The following COG5 variants were observed in gnomAD, a reference collection of about 807,000 sequenced individuals.
The protein encoded by COG5 is conserved oligomeric Golgi complex subunit 5.
A neutral mutation model predicts 110.4 loss-of-function variants in COG5; 86 were observed. The observed-to-expected ratio is 0.78, with a 90% CI of 0.65 to 0.93. The LOEUF (loss-of-function observed/expected upper bound fraction) is 0.93. Among genes scored for constraint, COG5 ranks in the 40% least tolerant of loss-of-function variants. The pLI is 0.00. For synonymous variants in COG5, 360 were observed against 334.6 expected (o/e 1.08, Z -0.83); for missense variants, 1,077 against 987.0 (o/e 1.09, Z -1.22).
intron 6 of COG5, among the ~76,000 whole-genome samples, chr7:107,489,793 A>G (rs1362757519): frequency 6.6e-6 from 1 of 152,164 alleles, no homozygotes; most frequent in African/African-American, 2.4e-5. Context: ...TAATTGCCCA[A>G]GAGATTTTTT....
intron 14 of COG5, among the ~76,000 whole-genome samples, chr7:107,265,115 A>T (rs1803692089): frequency 6.6e-6 from 1 of 152,204 alleles, no homozygotes; most frequent in Admixed American, 6.5e-5. Flanking sequence ...CATAAATTAT[A>T]AACATTAAAA....
intron 8 of COG5, among the ~76,000 whole-genome samples, chr7:107,368,772 CTGTT>C (rs1484441387): frequency 1.3e-5 from 2 of 152,150 alleles, no homozygotes; most frequent in African/African-American, 4.8e-5. Context: ...TCTTTCTTCA[CTGTT>C]TGACTTTCTC....
At chr7:107,315,730 T>C (rs1808667781) in intron 11 of COG5, among the ~76,000 whole-genome samples, 1 of 152,174 alleles carries the variant, frequency 6.6e-6, no homozygotes, top group Non-Finnish European at 1.5e-5. Context: ...TTCCTTAATA[T>C]TGCCTGTCTA....
intron 21 of COG5, chr7:107,208,775 G>A (rs1010253074): frequency 2.0e-6 from 2 of 985,478 alleles, no homozygotes; most frequent in Non-Finnish European, 1.2e-6. Context: ...CAGAGGGCCA[G>A]TGGCTCATGT....
At chr7:107,411,819 A>G (rs904121947) in intron 7 of COG5, among the ~76,000 whole-genome samples, 6 of 152,090 alleles carry the variant, frequency 3.9e-5, no homozygotes, top group Non-Finnish European at 8.8e-5. Flanking sequence ...GATATGAAAA[A>G]ACTCTATTAA....
At chr7:107,260,142 A>C (rs1803218856) in intron 14 of COG5, among the ~76,000 whole-genome samples, 1 of 150,018 alleles carries the variant, frequency 6.7e-6, no homozygotes, top group South Asian at 2.1e-4. Context: ...TATTCATAGC[A>C]GCATTTATTC....
intron 1 of COG5, among the ~76,000 whole-genome samples, chr7:107,560,595 A>G (rs1803697021): frequency 2.6e-5 from 4 of 152,252 alleles, no homozygotes; most frequent in Admixed American, 2.6e-4. Flanking sequence ...AAGGGGAACA[A>G]GCACACATTT....
intron 8 of COG5, among the ~76,000 whole-genome samples, chr7:107,368,848 T>C (rs1813863424): frequency 6.6e-6 from 1 of 152,246 alleles, no homozygotes; most frequent in Non-Finnish European, 1.5e-5. Context: ...AATAATGTTA[T>C]GAACACTAAC....
chr7:107,464,101 A>G (rs530801103), intron 6 of COG5, among the ~76,000 whole-genome samples: 1 of 152,312 alleles, frequency 6.6e-6, no homozygotes, highest in Non-Finnish European at 1.5e-5. Context: ...GAGGGGGTAG[A>G]GAAAAATGGG....
chr7:107,450,098 C>G (rs1463981783), intron 6 of COG5: 3 of 152,370 alleles, frequency 2.0e-5, no homozygotes, highest in Non-Finnish European at 4.4e-5. Flanking sequence ...TAAAACTCAC[C>G]AAGTAGGTTG....
At chr7:107,380,433 AAAAG>A (rs1815014949) in intron 7 of COG5, among the ~76,000 whole-genome samples, 1 of 152,186 alleles carries the variant, frequency 6.6e-6, no homozygotes, top group South Asian at 2.1e-4. Flanking sequence ...AATAAAGAAG[AAAAG>A]AAAGAAGAAT....
At chr7:107,337,520 A>C (rs575571483) in intron 10 of COG5, among the ~76,000 whole-genome samples, 4 of 152,340 alleles carry the variant, frequency 2.6e-5, no homozygotes, top group Admixed American at 6.5e-5. Context: ...TCATTAAGTG[A>C]AACAGGCCAA....
rs1563056116 is a variant in COG5 at position 107,475,262 on chromosome 7, TACACA to T, written c.538+51970_538+51974del. Reference sequence around the variant, plus strand: ...GATCCCCTGCCTAATAATGCTGTAATACACAACTCTTGGATAGATCCTAAAAGAAA... The same window carrying T: ...GATCCCCTGCCTAATAATGCTGTAATACTCTTGGATAGATCCTAAAAGAAA... On this transcript the variant is annotated intron_variant, in intron 6 of 21. Coordinates refer to ENST00000297135, the MANE Select transcript of COG5 (RefSeq NM_006348.5). The T allele has an allele frequency of 2.5e-6, 4 of 1,603,438 alleles. No homozygotes were observed. The South Asian group carries it at 4.4e-5, about 18-fold the overall frequency.
At chr7:107,353,203 A>G (rs1200119063) in intron 10 of COG5, among the ~76,000 whole-genome samples, 1 of 152,134 alleles carries the variant, frequency 6.6e-6, no homozygotes, top group Non-Finnish European at 1.5e-5. Flanking sequence ...AGGTGGGCGG[A>G]TCACAAGGTC....
intron 6 of COG5, among the ~76,000 whole-genome samples, chr7:107,423,813 T>A (rs1368376959): frequency 6.6e-6 from 1 of 152,156 alleles, no homozygotes; most frequent in Non-Finnish European, 1.5e-5. Context: ...AGATACACAC[T>A]GATAATTTAG....
chr7:107,515,057 T>C (rs911483006), intron 6 of COG5, among the ~76,000 whole-genome samples: 2 of 152,208 alleles, frequency 1.3e-5, no homozygotes, highest in African/African-American at 4.8e-5. Flanking sequence ...ACAGGGCTTA[T>C]GTATATTGAA....
intron 6 of COG5, among the ~76,000 whole-genome samples, chr7:107,442,142 TC>T (rs370263928): frequency 6.6e-6 from 1 of 152,042 alleles, no homozygotes; most frequent in South Asian, 2.1e-4. Context: ...TTGGCAGACA[TC>T]CCCCCCTGTT....
At chr7:107,513,390 A>G (rs1799685195) in intron 6 of COG5, among the ~76,000 whole-genome samples, 1 of 152,166 alleles carries the variant, frequency 6.6e-6, no homozygotes, top group African/African-American at 2.4e-5. Context: ...TTAAAAAGTC[A>G]GGAAACAACA....
chr7:107,296,587 T>TTC (rs1168756611), intron 12 of COG5, among the ~76,000 whole-genome samples: 1 of 150,226 alleles, frequency 6.7e-6, no homozygotes, highest in Admixed American at 6.6e-5. Context: ...TACTCTTTTT[T>TTC]TTTTTTTTTT....
Sources: gnomAD v4.1 joint callset for allele counts (sites outside exome capture counted in the v4.1 genomes callset) on GRCh38, gnomAD v4.1.1 for gene constraint, MANE v1.5 for transcripts, NCBI Gene and HGNC (gene_info 2026-07-23, HGNC 2026-07-21) for gene names.